The following IGDCC3 variants were observed in gnomAD, a reference collection of about 807,000 sequenced individuals.
The protein encoded by IGDCC3 is putative neuronal cell adhesion molecule.
In IGDCC3, 47 loss-of-function variants were observed where a neutral mutation model predicts 72.0. The observed-to-expected ratio is 0.65, with a 90% confidence interval of 0.52 to 0.83. The LOEUF is 0.83. Among genes scored for constraint, IGDCC3 ranks in the 40% least tolerant of loss-of-function variants. The pLI is 0.00. For synonymous variants in IGDCC3, 477 were observed against 472.8 expected (o/e 1.01, Z -0.11); for missense variants, 1,038 against 1,091.3 (o/e 0.95, Z 0.69).
At chr15:65,359,570 T>C (rs1295471661) in intron 2 of IGDCC3, among the ~76,000 whole-genome samples, 2 of 152,282 alleles carry the variant, frequency 1.3e-5, no homozygotes, top group South Asian at 4.1e-4. Context: ...TCCCACTCAG[T>C]ACTTAGTAGT....
chr15:65,335,359 A>G lies in IGDCC3; in HGVS notation c.617T>C (p.Ile206Thr). 2 of 1,613,798 alleles carry G rather than the reference A, an allele frequency of 1.2e-6. No individual in the cohort carries two copies. Among genetic ancestry groups the G allele is most frequent in the Non-Finnish European group, 1.7e-6 (2 of 1,179,848 alleles). ...GATGTTTGAGGCCACACAGTGGAAG[A>G]TGCCACCGTCCTCAGCTCGAAGTCC... Reference protein sequence around the residue: ...ITGLRAEDGGIFHCVASNIAS... With the variant: ...ITGLRAEDGGTFHCVASNIAS... Residue 206 changes from isoleucine (I) to threonine (T), a missense_variant, in exon 4 of 14, where the codon ATC (isoleucine) becomes ACC (threonine). Transcript: ENST00000327987.
At chr15:65,348,960 A>G (rs1163664580) in intron 2 of IGDCC3, among the ~76,000 whole-genome samples, 2 of 152,254 alleles carry the variant, frequency 1.3e-5, no homozygotes, top group Non-Finnish European at 2.9e-5. Context: ...CTCAACTGAC[A>G]GCAGCCACCT....
chr15:65,367,860 C>T (rs530962559), intron 2 of IGDCC3, among the ~76,000 whole-genome samples: 1 of 152,230 alleles, frequency 6.6e-6, no homozygotes, highest in South Asian at 2.1e-4. Flanking sequence ...CTAGGCCCCT[C>T]GACATCCTTC....
intron 2 of IGDCC3, among the ~76,000 whole-genome samples, chr15:65,363,001 C>T (rs888848645): frequency 3.3e-5 from 5 of 150,918 alleles, no homozygotes; most frequent in Non-Finnish European, 5.9e-5. Context: ...ATTACAGGTG[C>T]TTGCCAAGCC....
Position 65,330,660 on chromosome 15 carries a change from G to A in IGDCC3, c.1643C>T (p.Ala548Val). The change falls in exon 10 of 14, where the codon GCC becomes GTC. Residue 548 changes from alanine to valine, a missense_variant. Ala to Val is a moderately conservative substitution (Grantham distance 64). Coordinates refer to ENST00000327987, the MANE Select transcript of IGDCC3 (RefSeq NM_004884.4). ...QLLWEPWPRL[A>V]QHEGGFKLFY... is the part of the protein sequence containing the mutation. ...CAGCTTGAAGCCGCCCTCGTGCTGG[G>A]CCAGCCGGGGCCAAGGCTCCCACAG... The A allele has an allele frequency of 6.2e-7, 1 of 1,613,498 alleles. No individual in the cohort carries two copies. Among genetic ancestry groups the A allele is most frequent in the Non-Finnish European group, 8.5e-7 (1 of 1,179,746 alleles).
intron 2 of IGDCC3, among the ~76,000 whole-genome samples, chr15:65,347,130 C>T: frequency 6.6e-6 from 1 of 152,234 alleles, no homozygotes; most frequent in South Asian, 2.1e-4. Context: ...GGATCTCCCT[C>T]ACCTCCCGGA....
chr15:65,367,415 A>G (rs1316924823), intron 2 of IGDCC3, among the ~76,000 whole-genome samples: 2 of 151,642 alleles, frequency 1.3e-5, no homozygotes, highest in African/African-American at 4.8e-5. Context: ...TTTAGGAGAT[A>G]TACCTAATGC....
At chr15:65,366,851 C>G (rs1481822814) in intron 2 of IGDCC3, among the ~76,000 whole-genome samples, 1 of 86,478 alleles carries the variant, frequency 1.2e-5, no homozygotes, top group Non-Finnish European at 2.3e-5. Context: ...CAGGTGCCCA[C>G]AGAAAGCCCT....
chr15:65,373,284 T>C (rs1048428054), intron 2 of IGDCC3, among the ~76,000 whole-genome samples: 12 of 151,940 alleles, frequency 7.9e-5, no homozygotes, highest in Middle Eastern at 6.8e-3. Flanking sequence ...CTTACCGGGG[T>C]CCCCACCCTC....
chr15:65,331,510 A>T lies in IGDCC3; in HGVS notation c.1298T>A (p.Val433Asp). Residue 433 changes from valine (V) to aspartate (D), a missense_variant, in exon 8 of 14, where the codon GTC (valine) becomes GAC (aspartate). Transcript: ENST00000327987. ...ACGCACCTCAGTGGAAGACACAGAG[A>T]CTGCCCGCACATTGCGGGGAGGCCC... ...LPGPPRNVRA[V>D]SVSSTEVRVS... The T allele has an allele frequency of 6.2e-7, 1 of 1,613,766 alleles. No homozygotes were observed. The highest frequency in any genetic ancestry group is 2.2e-5 in the East Asian group (1 of 44,874).
At position 65,332,109 on chromosome 15, in the gene IGDCC3, G is replaced by A; in HGVS notation, c.983-3C>T. ...ATGCTGCACAAACTCAGCTGGGGCT[G>A]CGAGTAGAGTCAGGAGGGTGGGGGC... On this transcript the variant is annotated splice_polypyrimidine_tract_variant and splice_region_variant and intron_variant, in intron 6 of 13. Coordinates refer to ENST00000327987, the MANE Select transcript of IGDCC3 (RefSeq NM_004884.4). 6.2e-7 allele frequency: 1 copy of A among 1,612,268 alleles called. No homozygotes were observed. The highest frequency in any genetic ancestry group is 8.5e-7 in the Non-Finnish European group (1 of 1,179,088).
At chr15:65,351,667 T>C (rs1037205789) in intron 2 of IGDCC3, among the ~76,000 whole-genome samples, 1 of 152,228 alleles carries the variant, frequency 6.6e-6, no homozygotes, top group African/African-American at 2.4e-5. Context: ...GCTTATTTGG[T>C]ATAAAAATCA....
chr15:65,331,235 C>T, intron 8 of IGDCC3, 21 bp from the exon 9 acceptor site: 1 of 1,611,788 alleles, frequency 6.2e-7, no homozygotes. Context: ...ACAGGGTGGG[C>T]AGGGGAGTGT....
At chr15:65,376,729 C>T (rs1326574006) in intron 1 of IGDCC3, among the ~76,000 whole-genome samples, 1 of 152,198 alleles carries the variant, frequency 6.6e-6, no homozygotes, top group African/African-American at 2.4e-5. Context: ...AGCCCCGAAT[C>T]CAACCCTGGT....
At chr15:65,370,404 C>T (rs909977457) in intron 2 of IGDCC3, among the ~76,000 whole-genome samples, 2 of 150,662 alleles carry the variant, frequency 1.3e-5, no homozygotes, top group Admixed American at 1.3e-4. Context: ...ATCCCAGCTA[C>T]TCAGGAGGTT....
rs544531128 is a variant in IGDCC3, at chr15:65,352,161, T to C, written c.410-16205A>G. 7.9e-5 allele frequency among the ~76,000 whole-genome samples: 12 copies of C among 152,358 alleles called. No individual in the cohort carries two copies. The South Asian group carries it at 2.1e-3, about 26-fold the overall frequency. Reference sequence around the variant, plus strand: ...TTTTTAATTTTGCTTAAAACGTTGCTGATCCTTTGTTTTTCAGAGTCAAGG... The same window carrying C: ...TTTTTAATTTTGCTTAAAACGTTGCCGATCCTTTGTTTTTCAGAGTCAAGG... On this transcript the variant is annotated intron_variant, in intron 2 of 13. Coordinates refer to ENST00000327987, the MANE Select transcript of IGDCC3 (RefSeq NM_004884.4).
chr15:65,352,391 T>C (rs1294588835), intron 2 of IGDCC3, among the ~76,000 whole-genome samples: 1 of 152,238 alleles, frequency 6.6e-6, no homozygotes, highest in Non-Finnish European at 1.5e-5. Flanking sequence ...AGAAACTGAT[T>C]ATTTTACCAA....
At chr15:65,344,238 G>A (rs926802442) in intron 2 of IGDCC3, among the ~76,000 whole-genome samples, 6 of 152,122 alleles carry the variant, frequency 3.9e-5, no homozygotes, top group African/African-American at 1.4e-4. Context: ...GGACTGTGGT[G>A]GCTTCACTGG....
intron 2 of IGDCC3, among the ~76,000 whole-genome samples, chr15:65,337,607 C>T (rs141910595): frequency 9.3e-4 from 141 of 152,236 alleles, no homozygotes; most frequent in Non-Finnish European, 1.3e-3. Context: ...CGGCCTCAGG[C>T]CAAAGGCTGT....
Sources: gnomAD v4.1 joint callset for allele counts (sites outside exome capture counted in the v4.1 genomes callset) on GRCh38, gnomAD v4.1.1 for gene constraint, MANE v1.5 for transcripts, NCBI Gene and HGNC (gene_info 2026-07-23, HGNC 2026-07-21) for gene names.